ASGR1: variants seen among roughly 807,000 people sequenced by gnomAD.
ASGR1 encodes asialoglycoprotein receptor 1.
ASGR1 carries 35 observed loss-of-function variants against 33.1 expected under a neutral mutation model. The ratio of observed to expected loss-of-function variants is 1.06; its 90% CI spans 0.81 to 1.40. The LOEUF (loss-of-function observed/expected upper bound fraction) is 1.40. Ranked by LOEUF, ASGR1 falls within the 40% of genes most tolerant of loss-of-function variation. ASGR1 has a pLI of 0.00. For missense variants in ASGR1, 396 were observed against 373.7 expected (o/e 1.06, Z -0.49); for synonymous variants, 142 against 152.5 (o/e 0.93, Z 0.51).
chr17:7,173,812 C>A lies in ASGR1; in HGVS notation c.723G>T (p.Pro241=), dbSNP rs748380270. 1.2e-6 allele frequency: 2 copies of A among 1,610,800 alleles called. No individual in the cohort carries two copies. The highest frequency in any genetic ancestry group is 2.7e-5 in the African/African-American group (2 of 74,934). The part of the protein sequence containing the change: ...TGFKNWRPEQ[P]DDWYGHGLGG... The stretch of plus-strand genomic sequence containing the variant: ...CGAGCCCGTGGCCGTACCAGTCGTC[C>A]GGCTGCTCCGGCCTCCAGTTCCTGG... The change falls in exon 9 of 9, where the codon CCG becomes CCT. Residue 241 remains proline, a synonymous_variant. Coordinates refer to ENST00000269299, the MANE Select transcript of ASGR1 (RefSeq NM_001671.5). This position sits in a 1 kb window ranked among gnomAD's most constrained non-coding sequence, Gnocchi z 4.7.
At chr17:7,177,415 C>A in intron 2 of ASGR1, 89 bp from the exon 3 acceptor site, 2 of 1,052,942 alleles carry the variant, frequency 1.9e-6, no homozygotes. Context: ...GCTAAGGCGG[C>A]CCTAGTAGTC....
chr17:7,176,929 C>A lies in ASGR1; in HGVS notation c.284-28G>T. On this transcript the variant is annotated intron_variant, in intron 4 of 8. Coordinates refer to ENST00000269299, the MANE Select transcript of ASGR1 (RefSeq NM_001671.5). The stretch of plus-strand genomic sequence containing the variant: ...GCGGGAGAGGCTCGCTCAGCGTTCC[C>A]GACAGCCCCCCAGCCCCAGCCCCAG... 1.9e-6 allele frequency: 3 copies of A among 1,610,600 alleles called. 1 individual carries two copies. Among genetic ancestry groups the A allele is most frequent in the South Asian group, 2.2e-5 (2 of 91,024 alleles).
At position 7,173,438 on chromosome 17, in the gene ASGR1, A is replaced by G. The variant is rs2069157494; in HGVS notation, c.*221T>C. 4 of 570,256 alleles carry G rather than the reference A, an allele frequency of 7.0e-6. No individual in the cohort carries two copies. Among genetic ancestry groups the G allele is most frequent in the Admixed American group, 3.5e-5 (1 of 28,816 alleles). 35.3% of individuals were successfully genotyped at this position (570,256 alleles called of 1,614,324 possible). The stretch of plus-strand genomic sequence containing the variant: ...CAGACAACTAACAGAAGGTTTAGGT[A>G]TATTTCTTTTTACTCTTAAAAAAAA... On this transcript the variant is annotated 3_prime_UTR_variant, in exon 9 of 9. Transcript: ENST00000269299. This position sits in a 1 kb window ranked among gnomAD's most constrained non-coding sequence, Gnocchi z 4.7.
chr17:7,178,247 C>A, intron 2 of ASGR1: 1 of 541,872 alleles, frequency 1.8e-6, no homozygotes. Context: ...TTCCCACACC[C>A]CCGGGTCCAC....
chr17:7,176,466 CAG>C (rs980194773), intron 5 of ASGR1: 134 of 393,666 alleles, frequency 3.4e-4, no homozygotes, highest in African/African-American at 2.0e-3. Context: ...CTCATTCCCA[CAG>C]ACTGTCTCAC....
rs770593227 is a variant in ASGR1 at position 7,174,205 on chromosome 17, G to A, written c.527C>T (p.Ala176Val). The change falls in exon 7 of 9, where the codon GCT (alanine) becomes GTT (valine). Residue 176 changes from alanine to valine, a missense_variant. Transcript: ENST00000269299. ...YWFSRSGKAW[A>V]DADNYCRLED... ...CAGCCGGCAGTAGTTGTCGGCGTCA[G>A]CCCAGGCCTTCCCGGAGCGAGAGAA... 3 of 1,614,208 alleles carry A rather than the reference G, an allele frequency of 1.9e-6. No individual in the cohort carries two copies. The Admixed American group carries it at 5.0e-5, about 27-fold the overall frequency.
At chr17:7,175,549 T>C (rs907112982) in intron 5 of ASGR1, among the ~76,000 whole-genome samples, 1 of 151,280 alleles carries the variant, frequency 6.6e-6, no homozygotes, top group African/African-American at 2.4e-5. Flanking sequence ...CAATGCACAT[T>C]CACACAACAC....
chr17:7,175,561 CACAT>C (rs1027735563), intron 5 of ASGR1, among the ~76,000 whole-genome samples: 1 of 151,796 alleles, frequency 6.6e-6, no homozygotes, highest in Admixed American at 6.6e-5. Context: ...ACACAACACG[CACAT>C]ACACACACTC....
At chr17:7,177,164 T>A in intron 3 of ASGR1, 46 bp downstream of exon 3, 1 of 1,612,682 alleles carries the variant, frequency 6.2e-7, no homozygotes, top group South Asian at 1.1e-5. Flanking sequence ...CGGTCCCCCG[T>A]CAACACCCCC....
chr17:7,176,561 ACCT>A (rs2069214216), intron 5 of ASGR1: 1 of 546,172 alleles, frequency 1.8e-6, no homozygotes, highest in South Asian at 2.1e-5. Context: ...ACACACACAC[ACCT>A]CATTCTCACA....
In ASGR1 at chr17:7,177,007, G is replaced by C. The variant is rs757232134; in HGVS notation, c.257C>G (p.Ala86Gly). Residue 86 changes from alanine (A) to glycine (G), a missense_variant, in exon 4 of 9, where the codon GCC becomes GGC. Ala to Gly is a moderately conservative substitution (Grantham distance 60). Transcript: ENST00000269299. ...CTGGGTGCTCAAGCCCTTGACCTGG[G>C]CCTCCGTGCTCGCTGTGAAGTTGCT... ...TFSNFTASTE[A>G]QVKGLSTQGG... 6.2e-7 allele frequency: 1 copy of C among 1,612,292 alleles called. No individual in the cohort carries two copies. Among genetic ancestry groups the C allele is most frequent in the Non-Finnish European group, 8.5e-7 (1 of 1,179,864 alleles).
chr17:7,176,485 TCTATCTCATTCTCACACTCAGA>T, intron 5 of ASGR1: 1 of 387,006 alleles, frequency 2.6e-6, no homozygotes. Context: ...TCACACACAC[TCTATCTCATTCTCACACTCAGA>T]CACACACCCC....
Position 7,174,139 on chromosome 17 carries a change from T to C in ASGR1, c.593A>G (p.Gln198Arg). ...HLVVVTSWEE[Q>R]KFVQHHIGPV... ...CTCCCAGACCCTCCGGGTCCTCACC[T>C]GCTCCTCCCAGGACGTGACCACCAC... Residue 198 changes from glutamine to arginine, a missense_variant and splice_region_variant, in exon 7 of 9, where the codon CAG becomes CGG. Gln to Arg is a conservative substitution (Grantham distance 43). Transcript: ENST00000269299. 3 of 1,614,078 alleles carry C rather than the reference T, an allele frequency of 1.9e-6. No individual in the cohort carries two copies. Among genetic ancestry groups the C allele is most frequent in the Middle Eastern group, 1.7e-4 (1 of 6,060 alleles).
intron 2 of ASGR1, 128 bp from the exon 3 acceptor site, chr17:7,177,454 C>A: frequency 1.4e-6 from 1 of 713,438 alleles, no homozygotes; most frequent in South Asian, 1.9e-5. Flanking sequence ...TGAAGAAATG[C>A]GGGCGGTGGG....
intron 2 of ASGR1, 45 bp downstream of exon 2, chr17:7,178,449 C>A (rs753765568): frequency 6.3e-7 from 1 of 1,587,836 alleles, no homozygotes; most frequent in African/African-American, 1.3e-5. Context: ...GGGTGGAGAA[C>A]CGCCAAATTC....
Position 7,174,016 on chromosome 17 carries a change from C to A in ASGR1, c.646G>T (p.Asp216Tyr). Residue 216 changes from aspartate to tyrosine, a missense_variant, in exon 8 of 9, where the codon GAC (aspartate) becomes TAC (tyrosine). Transcript: ENST00000269299. ...ACCCACTTCCAGGGCCCGTTTTGGT[C>A]GTGGAGGCCCATCCAGGTGTTCACA... is the stretch of plus-strand genomic sequence containing the variant. The part of the protein sequence containing the change: ...GPVNTWMGLH[D>Y]QNGPWKWVDG... The A allele has an allele frequency of 6.2e-7, 1 of 1,614,192 alleles. No individual in the cohort carries two copies. The highest frequency in any genetic ancestry group is 8.5e-7 in the Non-Finnish European group (1 of 1,180,006).
chr17:7,176,719 C>T, intron 5 of ASGR1, 111 bp downstream of exon 5: 1 of 1,473,678 alleles, frequency 6.8e-7, no homozygotes, highest in Non-Finnish European at 9.2e-7. Context: ...CACACACACA[C>T]TCCCTCTCAT....
In ASGR1 at chr17:7,177,118, G is replaced by C. The variant is rs748870259; in HGVS notation, c.188-42C>G. ...GCAGAGAGAAGAAAACGGGATCGCT[G>C]TGTCCGCCACCACTGCACCCACCAC... On this transcript the variant is annotated intron_variant, in intron 3 of 8. Coordinates refer to ENST00000269299, the MANE Select transcript of ASGR1 (RefSeq NM_001671.5). 4 of 1,613,294 alleles carry C rather than the reference G, an allele frequency of 2.5e-6. No individual in the cohort carries two copies. In the South Asian group the frequency reaches 4.4e-5, roughly 18 times the overall value.
chr17:7,175,720 AACAC>A (rs754404927), intron 5 of ASGR1, among the ~76,000 whole-genome samples: 25 of 134,344 alleles, frequency 1.9e-4, no homozygotes, highest in African/African-American at 5.7e-4. Context: ...CACACACATA[AACAC>A]ACAGACTCTC....
Sources: gnomAD v4.1 joint callset for allele counts (sites outside exome capture counted in the v4.1 genomes callset) on GRCh38, gnomAD v4.1.1 for gene constraint, Gnocchi (gnomAD v3.1) non-coding constraint, MANE v1.5 for transcripts, NCBI Gene and HGNC (gene_info 2026-07-23, HGNC 2026-07-21) for gene names.